KMT2E: variants seen among roughly 807,000 people sequenced by gnomAD.
KMT2E encodes histone reader KMT2E.
In KMT2E, 30 loss-of-function variants were observed where a neutral mutation model predicts 184.6. The ratio of observed to expected loss-of-function variants is 0.16; its 90% CI spans 0.12 to 0.22. The LOEUF is 0.22. Ranked by LOEUF, KMT2E falls within the 10% of genes least tolerant of loss-of-function variation. The pLI is 1.00. For synonymous variants in KMT2E, 815 were observed against 776.5 expected (o/e 1.05, Z -0.82); for missense variants, 2,023 against 2,237.4 (o/e 0.90, Z 1.93).
chr7:105,040,876 G>A lies in KMT2E; in HGVS notation c.-77G>A. 9.6e-7 allele frequency: 1 copy of A among 1,043,286 alleles called. No individual in the cohort carries two copies. Among genetic ancestry groups the A allele is most frequent in the East Asian group, 2.4e-5 (1 of 41,968 alleles). The allele number at this position is 1,043,286 out of a possible 1,614,324, so 64.6% of individuals were successfully genotyped here. A position where few individuals can be genotyped will look rare whatever the true frequency, so the allele number is the denominator to read the frequency against. On this transcript the variant is annotated 5_prime_UTR_variant, in exon 3 of 27. The change creates a new upstream start codon in the 5' untranslated region. Transcript: ENST00000311117. The stretch of plus-strand genomic sequence containing the variant: ...CACTTAGATGTTTGCAATGAGCACT[G>A]TGGCTGGCATGCCCCAGTGTTTTGG...
chr7:105,040,083 AAG>A (rs1795815186), intron 2 of KMT2E, among the ~76,000 whole-genome samples: 1 of 152,164 alleles, frequency 6.6e-6, no homozygotes, highest in Non-Finnish European at 1.5e-5. Flanking sequence ...ATGGAAGAAA[AAG>A]AGAACTCCTT....
chr7:105,107,902 C>G lies in KMT2E; in HGVS notation c.3445C>G (p.Gln1149Glu). Residue 1149 changes from glutamine to glutamate, a missense_variant, in exon 22 of 27, where the codon CAG (glutamine) becomes GAG (glutamate). Gln to Glu is a conservative substitution (Grantham distance 29). This residue lies in a region of KMT2E where 1,108 missense variants were observed against 1,050.9 expected (regional missense o/e 1.05). Coordinates refer to ENST00000311117, the MANE Select transcript of KMT2E (RefSeq NM_182931.3). Reference sequence around the variant, plus strand: ...TTTGATCGACGGGAATTGCACACCCCAGAATCCACCACAAAAGAAAAAGGT... The same window carrying G: ...TTTGATCGACGGGAATTGCACACCCGAGAATCCACCACAAAAGAAAAAGGT... ...DNLIDGNCTP[Q>E]NPPQKKKVSL... 1 of 1,604,144 alleles carries G rather than the reference C, an allele frequency of 6.2e-7. No individual in the cohort carries two copies. Among genetic ancestry groups the G allele is most frequent in the Non-Finnish European group, 8.5e-7 (1 of 1,175,092 alleles).
intron 1 of KMT2E, among the ~76,000 whole-genome samples, chr7:105,029,144 A>G (rs1000679096): frequency 6.6e-6 from 1 of 152,020 alleles, no homozygotes; most frequent in African/African-American, 2.4e-5. Context: ...CACGCCTGTA[A>G]TCTAGCTACG....
rs1029414996 is a variant in KMT2E at position 105,112,347 on chromosome 7, T to C, written c.4591T>C (p.Tyr1531His). Residue 1531 changes from tyrosine to histidine, a missense_variant, in exon 27 of 27, where the codon TAC becomes CAC. Around this residue, in one of 8 missense-constraint regions of KMT2E, gnomAD observed 1,108 missense variants for 1,050.9 expected, o/e 1.05. Transcript: ENST00000311117. ...QTPSGQSSAT[Y>H]SQFNQQSLNS... The stretch of plus-strand genomic sequence containing the variant: ...ACCCTCAGGACAATCTTCAGCAACA[T>C]ACAGTCAGTTTAACCAACAAAGTCT... 3 of 1,613,198 alleles carry C rather than the reference T, an allele frequency of 1.9e-6. No individual in the cohort carries two copies. Among genetic ancestry groups the C allele is most frequent in the Non-Finnish European group, 2.5e-6 (3 of 1,180,024 alleles).
rs574694306 is a variant in KMT2E at position 105,109,913 on chromosome 7, G to A, written c.3756-367G>A. 4.7e-5 allele frequency among the ~76,000 whole-genome samples: 7 copies of A among 148,372 alleles called. No individual in the cohort carries two copies. The South Asian group carries it at 8.5e-4, about 18-fold the overall frequency. On this transcript the variant is annotated intron_variant, in intron 23 of 26. Transcript: ENST00000311117. ...GTCTGGAGTGCAGTGGCGCAATCTC[G>A]GCTCACTGCAAGCTCCACTTCCCAA...
At chr7:105,097,846 C>CT (rs1406430992) in intron 15 of KMT2E, among the ~76,000 whole-genome samples, 3 of 152,146 alleles carry the variant, frequency 2.0e-5, no homozygotes, top group Admixed American at 2.0e-4. Context: ...ACACATGGTT[C>CT]TTACTCATTT....
intron 9 of KMT2E, 39 bp downstream of exon 9, chr7:105,076,120 A>G (rs767915987): frequency 7.2e-7 from 1 of 1,396,814 alleles, no homozygotes; most frequent in Non-Finnish European, 1.0e-6. Context: ...ATCAACTGTC[A>G]TTTATTCAGG....
chr7:105,077,981 A>T (rs1219631904), intron 11 of KMT2E, among the ~76,000 whole-genome samples: 1 of 152,232 alleles, frequency 6.6e-6, no homozygotes, highest in East Asian at 1.9e-4. Flanking sequence ...TGCAGAATTA[A>T]TATGACCCTT....
Position 105,112,342 on chromosome 7 carries a change from C to T in KMT2E, c.4586C>T (p.Ala1529Val), listed in dbSNP as rs1363884817. Residue 1529 changes from alanine to valine, a missense_variant, in exon 27 of 27, where the codon GCA becomes GTA. Ala to Val is a moderately conservative substitution (Grantham distance 64, BLOSUM62 0). Around this residue, in one of 8 missense-constraint regions of KMT2E, gnomAD observed 1,108 missense variants for 1,050.9 expected, o/e 1.05. Coordinates refer to ENST00000311117, the MANE Select transcript of KMT2E (RefSeq NM_182931.3). ...FTQTPSGQSS[A>V]TYSQFNQQSL... ...CAGACACCCTCAGGACAATCTTCAG[C>T]AACATACAGTCAGTTTAACCAACAA... The T allele has an allele frequency of 8.1e-6, 13 of 1,613,324 alleles. No homozygotes were observed. The Admixed American group carries it at 2.2e-4, about 27-fold the overall frequency.
chr7:105,106,638 C>T lies in KMT2E; in HGVS notation c.2713C>T (p.Pro905Ser), dbSNP rs371401904. The change falls in exon 20 of 27, where the codon CCT becomes TCT. Residue 905 changes from proline (P) to serine (S), a missense_variant. Pro to Ser is a moderately conservative substitution (Grantham distance 74, BLOSUM62 -1). Coordinates refer to ENST00000311117, the MANE Select transcript of KMT2E (RefSeq NM_182931.3). ...TACACCAACTCACACCGATATTACT[C>T]CTATGGACCCATCTTTTGCCACGCC... ...YATPTHTDIT[P>S]MDPSFATPPR... 1.2e-6 allele frequency: 2 copies of T among 1,614,000 alleles called. No homozygotes were observed. Among genetic ancestry groups the T allele is most frequent in the Admixed American group, 1.7e-5 (1 of 59,998 alleles).
At position 105,063,512 on chromosome 7, in the gene KMT2E, T is replaced by A. The variant is rs777007281; in HGVS notation, c.348T>A (p.Thr116=). The A allele has an allele frequency of 3.7e-6, 6 of 1,613,712 alleles. No homozygotes were observed. In the East Asian group the frequency reaches 1.3e-4, roughly 36 times the overall value. ...ISTSEDGSYG[T]DVTRCICGFT... is the part of the protein sequence containing the mutation. Reference sequence around the variant, plus strand: ...CATCTGAGGATGGAAGTTATGGTACTGATGTAACCAGGTGCATATGTGGTT... The same window carrying A: ...CATCTGAGGATGGAAGTTATGGTACAGATGTAACCAGGTGCATATGTGGTT... The change falls in exon 5 of 27, where the codon ACT becomes ACA. Residue 116 remains threonine (T), a synonymous_variant. Coordinates refer to ENST00000311117, the MANE Select transcript of KMT2E (RefSeq NM_182931.3).
intron 15 of KMT2E, among the ~76,000 whole-genome samples, chr7:105,092,359 G>GC (rs984043207): frequency 6.6e-6 from 1 of 152,076 alleles, no homozygotes; most frequent in Non-Finnish European, 1.5e-5. Flanking sequence ...CTGAGATCAT[G>GC]CCACTGCACT....
chr7:105,098,044 A>G (rs960544530), intron 15 of KMT2E, among the ~76,000 whole-genome samples: 1 of 152,186 alleles, frequency 6.6e-6, no homozygotes, highest in Admixed American at 6.5e-5. Context: ...CACACAAGCC[A>G]TACGTGTTAT....
In KMT2E at chr7:105,113,641, A is replaced by ATTAT. The variant is rs747165959; in HGVS notation, c.*311_*314dup. The ATTAT allele has an allele frequency of 7.9e-6, 2 of 253,882 alleles. No individual in the cohort carries two copies. Among genetic ancestry groups the ATTAT allele is most frequent in the Non-Finnish European group, 1.5e-5 (2 of 134,504 alleles). The allele number at this position is 253,882 out of a possible 1,614,324, so 15.7% of individuals were successfully genotyped here. On this transcript the variant is annotated 3_prime_UTR_variant, in exon 27 of 27. Coordinates refer to ENST00000311117, the MANE Select transcript of KMT2E (RefSeq NM_182931.3). Reference sequence around the variant, plus strand: ...GTTAAATTCATTTAGTGAATGTTCTATTATTTTATACATACACATTAAGTA... The same window carrying ATTAT: ...GTTAAATTCATTTAGTGAATGTTCTATTATTTATTTTATACATACACATTAAGTA...
rs1798856785 is a variant in KMT2E at position 105,105,418 on chromosome 7, CA to C, written c.2197-19del. 6.5e-7 allele frequency: 1 copy of C among 1,541,028 alleles called. No homozygotes were observed. The highest frequency in any genetic ancestry group is 1.4e-5 in the African/African-American group (1 of 71,802). ...ATTTGGAATTACATATATAATGATCCAATTTTTTTCTTTTCTCTAGCACTTG... is the reference window on the plus strand; with the variant it reads ...ATTTGGAATTACATATATAATGATCCATTTTTTTCTTTTCTCTAGCACTTG... On this transcript the variant is annotated intron_variant, in intron 17 of 26. Coordinates refer to ENST00000311117, the MANE Select transcript of KMT2E (RefSeq NM_182931.3).
rs777731919 is a variant in KMT2E, at chr7:105,112,031, T to G, written c.4275T>G (p.Ser1425=). Reference sequence around the variant, plus strand: ...CTCAGACACACGTTCGTAATTCATCTGAGCAACTTTCACAAAAGCTGCCTT... The same window carrying G: ...CTCAGACACACGTTCGTAATTCATCGGAGCAACTTTCACAAAAGCTGCCTT... ...HPPQTHVRNS[S]EQLSQKLPSV... The change falls in exon 27 of 27, where the codon TCT becomes TCG. Residue 1425 remains serine (S), a synonymous_variant. Coordinates refer to ENST00000311117, the MANE Select transcript of KMT2E (RefSeq NM_182931.3). The G allele has an allele frequency of 2.1e-5, 34 of 1,614,250 alleles. 1 individual carries two copies. In the South Asian group the frequency reaches 3.7e-4, roughly 18 times the overall value.
Position 105,077,295 on chromosome 7 carries a change from G to C in KMT2E, c.1000-8G>C. 2.5e-6 allele frequency: 4 copies of C among 1,606,600 alleles called. No homozygotes were observed. In the South Asian group the frequency reaches 3.3e-5, roughly 13 times the overall value. On this transcript the variant is annotated splice_polypyrimidine_tract_variant and splice_region_variant and intron_variant, in intron 10 of 26. Coordinates refer to ENST00000311117, the MANE Select transcript of KMT2E (RefSeq NM_182931.3). ...TTTATTTAATCTCAACATTTACTCT[G>C]ATTTTAGAGCCATATACAAAAGAAT...
chr7:105,045,865 G>A (rs2129565717), intron 3 of KMT2E, among the ~76,000 whole-genome samples: 1 of 152,200 alleles, frequency 6.6e-6, no homozygotes, highest in East Asian at 1.9e-4. Flanking sequence ...TTGAGGAATC[G>A]TCGATCTCTT....
intron 1 of KMT2E, among the ~76,000 whole-genome samples, chr7:105,028,369 A>G (rs1470476826): frequency 6.6e-6 from 1 of 152,052 alleles, no homozygotes; most frequent in South Asian, 2.1e-4. Flanking sequence ...GGTTTCCCAC[A>G]TTGGCCTTGC....
Sources: allele counts gnomAD v4.1 joint callset (sites outside exome capture counted in the v4.1 genomes callset), GRCh38; gene constraint gnomAD v4.1.1; regional missense constraint gnomAD v4.1.1; transcripts MANE v1.5; gene names NCBI Gene and HGNC (gene_info 2026-07-23, HGNC 2026-07-21).